The following CIMAP1D variants were observed in gnomAD, a reference collection of about 807,000 sequenced individuals.
The protein encoded by CIMAP1D is protein CIMAP1D.
the CIMAP1D span, among the ~76,000 whole-genome samples, chr19:483,674 C>T: frequency 6.6e-6 from 1 of 152,164 alleles, no homozygotes; most frequent in Non-Finnish European, 1.5e-5. Context: ...GGGACCACCC[C>T]ACCTGGGATG....
At chr19:488,358 TA>T in the CIMAP1D span, among the ~76,000 whole-genome samples, 5 of 149,030 alleles carry the variant, frequency 3.4e-5, no homozygotes, top group Non-Finnish European at 5.9e-5. Flanking sequence ...CCGTCTCTAC[TA>T]AAAATACAAA....
At chr19:472,930 G>A in the CIMAP1D span, among the ~76,000 whole-genome samples, 1 of 106,496 alleles carries the variant, frequency 9.4e-6, no homozygotes, top group African/African-American at 2.8e-5. Flanking sequence ...TGAGGCCTAG[G>A]CAGAGATACA....
the CIMAP1D span, among the ~76,000 whole-genome samples, chr19:490,506 GTGTA>G: frequency 6.6e-6 from 1 of 152,256 alleles, no homozygotes; most frequent in African/African-American, 2.4e-5. Flanking sequence ...AGAGCCCAGT[GTGTA>G]TTTTGCACAT....
At chr19:491,116 C>G in the CIMAP1D span, among the ~76,000 whole-genome samples, 1 of 146,766 alleles carries the variant, frequency 6.8e-6, no homozygotes. Flanking sequence ...AAAAAGTCTA[C>G]AAATACAAAA....
the CIMAP1D span, among the ~76,000 whole-genome samples, chr19:479,312 T>C: frequency 5.1e-3 from 770 of 151,854 alleles, 1 homozygote; most frequent in South Asian, 0.012. Context: ...CTGCTCTTGT[T>C]ACCCAATAAA....
chr19:472,659 A>C, the CIMAP1D span: 1 of 527,006 alleles, frequency 1.9e-6, no homozygotes, highest in Non-Finnish European at 3.4e-6. Flanking sequence ...CGGGGACAAA[A>C]TGTGATGCCT....
chr19:480,563 GA>G, the CIMAP1D span, among the ~76,000 whole-genome samples: 1 of 148,732 alleles, frequency 6.7e-6, no homozygotes, highest in Non-Finnish European at 1.5e-5. Flanking sequence ...GGAGAACGAT[GA>G]TGGAGAACGA....
At chr19:488,446 C>T in the CIMAP1D span, among the ~76,000 whole-genome samples, 2 of 152,202 alleles carry the variant, frequency 1.3e-5, no homozygotes, top group African/African-American at 4.8e-5. Context: ...GGCGTGAACC[C>T]GGGAGGCGGA....
the CIMAP1D span, chr19:474,751 G>A: frequency 1.3e-6 from 2 of 1,520,344 alleles, no homozygotes; most frequent in Admixed American, 2.0e-5. Context: ...TCCCCATGGT[G>A]GGCAGGCGAT....
chr19:467,648 C>T, the CIMAP1D span: 4 of 1,606,680 alleles, frequency 2.5e-6, no homozygotes, highest in Non-Finnish European at 3.4e-6. Context: ...CCAGTACTCA[C>T]CCCGAGACTT....
chr19:491,276 A>G, the CIMAP1D span, among the ~76,000 whole-genome samples: 1 of 151,944 alleles, frequency 6.6e-6, no homozygotes, highest in African/African-American at 2.4e-5. Context: ...CTCCGTCTCA[A>G]AAAAAAAGAA....
chr19:474,375 C>T, the CIMAP1D span, among the ~76,000 whole-genome samples: 6 of 152,258 alleles, frequency 3.9e-5, no homozygotes, highest in African/African-American at 1.4e-4. Context: ...GCTGTACCCA[C>T]AGCCCCTGGA....
the CIMAP1D span, among the ~76,000 whole-genome samples, chr19:479,062 G>A: frequency 6.6e-6 from 1 of 152,216 alleles, no homozygotes; most frequent in Non-Finnish European, 1.5e-5. Flanking sequence ...GGCCGAAAGA[G>A]TGAGGGCCGT....
At chr19:473,216 CT>C in the CIMAP1D span, among the ~76,000 whole-genome samples, 1 of 31,382 alleles carries the variant, frequency 3.2e-5, no homozygotes, top group Non-Finnish European at 5.3e-5. Flanking sequence ...AGACTGAGGC[CT>C]AGGCAGAGAT....
the CIMAP1D span, among the ~76,000 whole-genome samples, chr19:484,133 CTTTTTCTTT>C: frequency 2.2e-5 from 3 of 136,986 alleles, no homozygotes; most frequent in African/African-American, 8.3e-5. Context: ...CTTTTCTTTT[CTTTTTCTTT>C]TTTTTTTTTT....
chr19:464,890 TGATG>T, the CIMAP1D span, among the ~76,000 whole-genome samples: 8,660 of 148,218 alleles, frequency 0.058, 314 homozygotes, highest in African/African-American at 0.081. Context: ...GATGAGTGGA[TGATG>T]GATGGATGGA....
At chr19:484,659 C>T in the CIMAP1D span, among the ~76,000 whole-genome samples, 1 of 152,154 alleles carries the variant, frequency 6.6e-6, no homozygotes, top group Non-Finnish European at 1.5e-5. Context: ...CTGGGGAGGG[C>T]ACCGCTGTGC....
At chr19:468,834 GTGTGGCC>G in the CIMAP1D span, among the ~76,000 whole-genome samples, 3 of 44,742 alleles carry the variant, frequency 6.7e-5, no homozygotes, top group Non-Finnish European at 3.6e-4. Flanking sequence ...GTGGCACGCA[GTGTGGCC>G]CAGACACGGC....
the CIMAP1D span, among the ~76,000 whole-genome samples, chr19:470,879 C>T: frequency 1.3e-5 from 2 of 152,248 alleles, no homozygotes; most frequent in South Asian, 2.1e-4. Flanking sequence ...TGCTTCACTG[C>T]GCCCGTTCTA....
Sources: gnomAD v4.1 joint callset for allele counts (sites outside exome capture counted in the v4.1 genomes callset) on GRCh38, gnomAD v4.1.1 for gene constraint, MANE v1.5 for transcripts, NCBI Gene and HGNC (gene_info 2026-07-23, HGNC 2026-07-21) for gene names.